Variants in ARHGAP17 observed in about 807,000 individuals in gnomAD.
ARHGAP17 encodes Rho GTPase activating protein 17.
A neutral mutation model predicts 99.5 loss-of-function variants in ARHGAP17; 57 were observed. The ratio of observed to expected loss-of-function variants is 0.57; its 90% CI spans 0.46 to 0.71. The LOEUF (loss-of-function observed/expected upper bound fraction) is 0.71, where lower values mean the gene tolerates loss of function less well. Among genes scored for constraint, ARHGAP17 ranks in the 30% least tolerant of loss-of-function variants. The probability of loss-of-function intolerance (pLI) is 0.00; values close to 1 mark genes in which losing one functional copy is unlikely to be tolerated. For synonymous variants in ARHGAP17, 417 were observed against 429.6 expected, an observed-to-expected ratio of 0.97 and a Z score of 0.36; for missense variants, 1,000 against 1,122.4, an observed-to-expected ratio of 0.89 and a Z score of 1.56.
At position 24,939,563 on chromosome 16, in the gene ARHGAP17, G is replaced by A. The variant is rs546945788; in HGVS notation, c.1525C>T (p.Arg509Trp). Reference sequence around the variant, plus strand: ...TTTCTATTTAGAGTGCCACCCCGCCGGTGGGCCTGGAAGTCCATAAGCTTC... The same window carrying A: ...TTTCTATTTAGAGTGCCACCCCGCCAGTGGGCCTGGAAGTCCATAAGCTTC... The part of the protein sequence containing the change: ...GVKLMDFQAH[R>W]RGGTLNRKHI... The change falls in exon 17 of 20, where the codon CGG becomes TGG. Residue 509 changes from arginine (R) to tryptophan (W), a missense_variant. This residue lies in a region of ARHGAP17 where 528 missense variants were observed against 511.4 expected (regional missense o/e 1.03). Transcript: ENST00000289968. The A allele has an allele frequency of 3.7e-6, 6 of 1,607,684 alleles. No homozygotes were observed. The highest frequency in any genetic ancestry group is 4.5e-5 in the East Asian group (2 of 44,686).
chr16:24,949,901 A>C (rs866475720), intron 12 of ARHGAP17, among the ~76,000 whole-genome samples: 1 of 152,080 alleles, frequency 6.6e-6, no homozygotes, highest in African/African-American at 2.4e-5. Context: ...AGGCACCCAG[A>C]CCTCTGGGTC....
At chr16:24,984,856 C>A (rs1375760018) in intron 1 of ARHGAP17, among the ~76,000 whole-genome samples, 1 of 151,344 alleles carries the variant, frequency 6.6e-6, no homozygotes, top group Non-Finnish European at 1.5e-5. Context: ...CAAGGTTAAT[C>A]TTTTTATAAA....
At chr16:24,949,105 CA>C (rs2051556585) in intron 13 of ARHGAP17, 1 of 253,512 alleles carries the variant, frequency 3.9e-6, no homozygotes, top group African/African-American at 2.2e-5. Context: ...ATTTGGACTC[CA>C]AACCCAACAT....
chr16:24,941,441 G>T (rs140874756), intron 16 of ARHGAP17, among the ~76,000 whole-genome samples: 79 of 152,226 alleles, frequency 5.2e-4, no homozygotes, highest in African/African-American at 1.9e-3. Flanking sequence ...GAGACACACT[G>T]CTTCTCACTA....
At chr16:24,977,088 G>A (rs546009805) in intron 3 of ARHGAP17, 127 bp downstream of exon 3, 160 of 562,096 alleles carry the variant, frequency 2.8e-4, no homozygotes, top group African/African-American at 4.9e-4. Context: ...TGTCATGAGC[G>A]TGCTTGGTGA....
chr16:24,964,104 G>T (rs12599343), intron 7 of ARHGAP17, 93 bp downstream of exon 7: 250,356 of 794,458 alleles, frequency 0.32, 41,173 homozygotes, highest in East Asian at 0.51. Context: ...TATTCTGATA[G>T]AAATTATTTA....
intron 1 of ARHGAP17, among the ~76,000 whole-genome samples, chr16:24,987,238 G>C (rs554668264): frequency 2.2e-4 from 33 of 152,234 alleles, no homozygotes; most frequent in African/African-American, 6.3e-4. Context: ...CTTTATTTAT[G>C]GACACTGAAA....
chr16:24,939,605 G>C lies in ARHGAP17; in HGVS notation c.1491-8C>G. 6.3e-7 allele frequency: 1 copy of C among 1,597,710 alleles called. No homozygotes were observed. Among genetic ancestry groups the C allele is most frequent in the Non-Finnish European group, 8.5e-7 (1 of 1,172,560 alleles). ...ATAAGCTTCACACCAAAGCTACACA[G>C]AGAGAAGAAACAGTCAACACACCAT... On this transcript the variant is annotated splice_region_variant and splice_polypyrimidine_tract_variant and intron_variant, in intron 16 of 19. Coordinates refer to ENST00000289968, the MANE Select transcript of ARHGAP17 (RefSeq NM_001006634.3).
chr16:24,977,989 G>T (rs533428832), intron 2 of ARHGAP17, among the ~76,000 whole-genome samples: 1 of 152,188 alleles, frequency 6.6e-6, no homozygotes, highest in Admixed American at 6.5e-5. Flanking sequence ...ACCATTTTAC[G>T]CATCGAGATG....
intron 1 of ARHGAP17, among the ~76,000 whole-genome samples, chr16:24,999,619 C>T (rs1161210045): frequency 1.3e-5 from 2 of 152,000 alleles, no homozygotes; most frequent in Non-Finnish European, 1.5e-5. Flanking sequence ...ACGGGCCTCA[C>T]TATGTTAATC....
chr16:24,971,572 C>G (rs1373272771), intron 3 of ARHGAP17, among the ~76,000 whole-genome samples: 1 of 152,144 alleles, frequency 6.6e-6, no homozygotes, highest in Non-Finnish European at 1.5e-5. Flanking sequence ...AAGTGATCTG[C>G]CCTCCTCAGC....
At chr16:24,983,551 C>T (rs919279900) in intron 1 of ARHGAP17, among the ~76,000 whole-genome samples, 5 of 152,260 alleles carry the variant, frequency 3.3e-5, no homozygotes, top group Admixed American at 2.6e-4. Flanking sequence ...GCCATCCTCC[C>T]GCCTCCAACT....
At position 24,970,630 on chromosome 16, in the gene ARHGAP17, C is replaced by T. The variant is rs756887736; in HGVS notation, c.199-50G>A. ...TTTTTCTCATTATTTGATACCCATT[C>T]TCAATGATCTTTTTCAGATCATCAT... On this transcript the variant is annotated intron_variant, in intron 3 of 19. Transcript: ENST00000289968. 2.7e-6 allele frequency: 4 copies of T among 1,492,796 alleles called. No individual in the cohort carries two copies. In the African/African-American group the frequency reaches 4.2e-5, roughly 15 times the overall value. 92.5% of individuals were successfully genotyped at this position (1,492,796 alleles called of 1,614,324 possible). A position where few individuals can be genotyped will look rare whatever the true frequency, so the allele number is the denominator to read the frequency against.
At chr16:24,939,635 G>A (rs1187377141) in intron 16 of ARHGAP17, 38 bp from the exon 17 acceptor site, 4 of 1,555,096 alleles carry the variant, frequency 2.6e-6, no homozygotes, top group Admixed American at 1.9e-5. Context: ...CACCATGCGA[G>A]CAGACTACTG....
At chr16:24,935,843 ATTTTT>A in intron 17 of ARHGAP17, 1 of 550,496 alleles carries the variant, frequency 1.8e-6, no homozygotes, top group Non-Finnish European at 3.1e-6. Flanking sequence ...ACTTGGTGCC[ATTTTT>A]TTTTTAAGAG....
At chr16:24,964,026 T>C (rs1040804788) in intron 7 of ARHGAP17, among the ~76,000 whole-genome samples, 171 bp downstream of exon 7, 1 of 152,198 alleles carries the variant, frequency 6.6e-6, no homozygotes, top group Non-Finnish European at 1.5e-5. Flanking sequence ...AAATGTTTTA[T>C]TCTGATCATA....
intron 1 of ARHGAP17, among the ~76,000 whole-genome samples, chr16:24,992,266 C>T (rs1271050307): frequency 1.3e-5 from 2 of 152,164 alleles, no homozygotes; most frequent in South Asian, 2.1e-4. Context: ...GATATCTAGA[C>T]GAGAGACAAG....
chr16:24,979,019 TA>T lies in ARHGAP17; in HGVS notation c.54-15del. ...GTTTTCTCAGCTCTGTGGGAAAAAT[TA>T]AAAATTCAGAGTTAGAAATCCAAAA... is the stretch of plus-strand genomic sequence containing the variant. On this transcript the variant is annotated splice_polypyrimidine_tract_variant and intron_variant, in intron 1 of 19. Transcript: ENST00000289968. 1.3e-6 allele frequency: 2 copies of T among 1,573,032 alleles called. No homozygotes were observed. The highest frequency in any genetic ancestry group is 2.8e-5 in the African/African-American group (2 of 72,718).
chr16:24,938,364 A>G (rs1043787692), intron 17 of ARHGAP17, among the ~76,000 whole-genome samples: 1 of 151,992 alleles, frequency 6.6e-6, no homozygotes, highest in Non-Finnish European at 1.5e-5. Flanking sequence ...ACTGTCTCAA[A>G]AAAAAAAACC....
Sources: allele counts gnomAD v4.1 joint callset (sites outside exome capture counted in the v4.1 genomes callset), GRCh38; gene constraint gnomAD v4.1.1; regional missense constraint gnomAD v4.1.1; transcripts MANE v1.5; gene names NCBI Gene and HGNC (gene_info 2026-07-23, HGNC 2026-07-21).